The following FAM161B variants were observed in gnomAD, a reference collection of about 807,000 sequenced individuals.
FAM161B encodes FAM161 centrosomal protein B.
A neutral mutation model predicts 61.5 loss-of-function variants in FAM161B; 46 were observed. That is an observed-to-expected ratio of 0.75 (90% confidence interval 0.59 to 0.96). The LOEUF is 0.96. FAM161B is among the 40% of genes least tolerant of loss of function. FAM161B has a pLI of 0.00. For missense variants in FAM161B, 774 were observed against 800.7 expected, an observed-to-expected ratio of 0.97 and a Z score of 0.40; for synonymous variants, 284 against 302.7, an observed-to-expected ratio of 0.94 and a Z score of 0.64.
chr14:73,936,829 C>G (rs779170189), intron 7 of FAM161B, among the ~76,000 whole-genome samples: 4 of 152,146 alleles, frequency 2.6e-5, no homozygotes, highest in South Asian at 2.1e-4. Flanking sequence ...AGCTAATGCC[C>G]TGCCATTGGA....
chr14:73,923,552 T>A, the FAM161B span: 2 of 1,599,052 alleles, frequency 1.3e-6, no homozygotes, highest in Non-Finnish European at 1.7e-6. Flanking sequence ...TTTGTTTCTG[T>A]GACAATTCAT....
chr14:73,938,320 A>G (rs2055988393), intron 5 of FAM161B, among the ~76,000 whole-genome samples: 1 of 152,022 alleles, frequency 6.6e-6, no homozygotes, highest in African/African-American at 2.4e-5. Flanking sequence ...TTAGCTGGGC[A>G]TGGTGGTGTG....
rs1366010700 is a variant in FAM161B at position 73,946,344 on chromosome 14, T to C, written c.316A>G (p.Ser106Gly). 3.7e-6 allele frequency: 6 copies of C among 1,613,948 alleles called. No individual in the cohort carries two copies. Among genetic ancestry groups the C allele is most frequent in the Non-Finnish European group, 5.1e-6 (6 of 1,180,016 alleles). The change falls in exon 2 of 9, where the codon AGT (serine) becomes GGT (glycine). Residue 106 changes from serine to glycine, a missense_variant. Ser to Gly is a moderately conservative substitution (Grantham distance 56, BLOSUM62 0). Transcript: ENST00000286544. The stretch of plus-strand genomic sequence containing the variant: ...CCCCTGTCCTTGTCTTGGAAGAAAC[T>C]CTCCAGGTCCTCCTCATCTTCAGAG... ...NLSEDEEDLE[S>G]FFQDKDRGMV...
chr14:73,944,599 C>A lies in FAM161B; in HGVS notation c.661G>T (p.Val221Leu), dbSNP rs1367354730. 17 of 1,614,094 alleles carry A rather than the reference C, an allele frequency of 1.1e-5. No individual in the cohort carries two copies. The highest frequency in any genetic ancestry group is 1.4e-5 in the Non-Finnish European group (17 of 1,180,026). ...AGGGGCAGGTAGACATGTGCAGGCACAGGCTGTGCCCGGAACTGCCTGTGG... is the reference window on the plus strand; with the variant it reads ...AGGGGCAGGTAGACATGTGCAGGCAAAGGCTGTGCCCGGAACTGCCTGTGG... Reference protein sequence around the residue: ...ECHRQFRAQPVPAHVYLPLYQ... With the variant: ...ECHRQFRAQPLPAHVYLPLYQ... The change falls in exon 3 of 9, where the codon GTG (valine) becomes TTG (leucine). Residue 221 changes from valine to leucine, a missense_variant. Physicochemically the swap from Val to Leu is conservative, Grantham distance 32 (BLOSUM62 1). Coordinates refer to ENST00000286544, the MANE Select transcript of FAM161B (RefSeq NM_152445.3).
rs750761691 is a variant in FAM161B at position 73,936,066 on chromosome 14, T to C, written c.1688A>G (p.Glu563Gly). The change falls in exon 8 of 9, where the codon GAA becomes GGA. Residue 563 changes from glutamate to glycine, a missense_variant. Glu to Gly is a moderately conservative substitution (Grantham distance 98). Transcript: ENST00000286544. ...VAKDLAKKEA[E>G]QWYLDTLKQA... ...CTTCAGGGTGTCTAGATACCACTGT[T>C]CTGCTTCTTTCTTGGCTAGATCCTG... 9.3e-6 allele frequency: 15 copies of C among 1,610,670 alleles called. No individual in the cohort carries two copies. Among genetic ancestry groups the C allele is most frequent in the Non-Finnish European group, 1.3e-5 (15 of 1,178,336 alleles).
At chr14:73,947,440 G>GGC (rs1468152915) in intron 1 of FAM161B, among the ~76,000 whole-genome samples, 1 of 150,520 alleles carries the variant, frequency 6.6e-6, no homozygotes, top group African/African-American at 2.4e-5. Context: ...AGTATGGTCT[G>GGC]GCTGGAAGAG....
At chr14:73,937,534 T>C (rs766063290) in intron 7 of FAM161B, 68 bp downstream of exon 7, 1 of 1,463,604 alleles carries the variant, frequency 6.8e-7, no homozygotes, top group Admixed American at 2.1e-5. Context: ...CATATTAAAA[T>C]TGTTTTGTAA....
At position 73,944,541 on chromosome 14, in the gene FAM161B, C is replaced by G. The variant is rs778856278; in HGVS notation, c.719G>C (p.Arg240Pro). The G allele has an allele frequency of 5.9e-5, 96 of 1,613,992 alleles. No individual in the cohort carries two copies. The highest frequency in any genetic ancestry group is 7.9e-5 in the Non-Finnish European group (93 of 1,180,022). Residue 240 changes from arginine to proline, a missense_variant, in exon 3 of 9, where the codon CGA (arginine) becomes CCA (proline). Physicochemically the swap from Arg to Pro is moderately radical, Grantham distance 103. Transcript: ENST00000286544. ...YQEIMERSEA[R>P]RQAGIQKRKE... ...CCTCTTCTGGATCCCTGCCTGCCTT[C>G]GGGCCTCGCTGCGCTCCATGATCTC...
In FAM161B at chr14:73,932,415, C is replaced by G. The variant is rs148201672; in HGVS notation, c.*1841G>C. 6.9e-5 allele frequency: 31 copies of G among 451,840 alleles called. No individual in the cohort carries two copies. In the Admixed American group the frequency reaches 7.0e-4, roughly 10 times the overall value. 28.0% of individuals were successfully genotyped at this position (451,840 alleles called of 1,614,324 possible). On this transcript the variant is annotated 3_prime_UTR_variant, in exon 9 of 9. Coordinates refer to ENST00000286544, the MANE Select transcript of FAM161B (RefSeq NM_152445.3). ...TGAACCGAGGAGTCTTAGGAAACAA[C>G]AAGAACATCTTCATTTCTTAAGCCC...
At chr14:73,924,693 T>G in the FAM161B span, 1 of 450,232 alleles carries the variant, frequency 2.2e-6, no homozygotes. Flanking sequence ...CTTTTTTTTT[T>G]TGAGACAGAG....
At chr14:73,947,818 G>C (rs2056079359) in intron 1 of FAM161B, among the ~76,000 whole-genome samples, 1 of 152,158 alleles carries the variant, frequency 6.6e-6, no homozygotes, top group Non-Finnish European at 1.5e-5. Flanking sequence ...TTGAGGGTGT[G>C]ATTTTTATAG....
In FAM161B at chr14:73,942,529, A is replaced by G; in HGVS notation, c.1112T>C (p.Val371Ala). The G allele has an allele frequency of 6.2e-7, 1 of 1,614,220 alleles. No individual in the cohort carries two copies. The highest frequency in any genetic ancestry group is 8.5e-7 in the Non-Finnish European group (1 of 1,180,038). ...NFRFQPRVNP[V>A]VPDYEGLYKA... ...GTAAAGGCCCTCATAGTCAGGGACCACAGGATTCACCCGAGGCTGGAATCT... is the reference window on the plus strand; with the variant it reads ...GTAAAGGCCCTCATAGTCAGGGACCGCAGGATTCACCCGAGGCTGGAATCT... The change falls in exon 4 of 9, where the codon GTG becomes GCG. Residue 371 changes from valine to alanine, a missense_variant. By Grantham distance (64) the Val-to-Ala change is moderately conservative. Transcript: ENST00000286544.
chr14:73,947,385 CA>C (rs35497668), intron 1 of FAM161B, among the ~76,000 whole-genome samples: 60 of 97,078 alleles, frequency 6.2e-4, no homozygotes, highest in East Asian at 1.5e-3. Flanking sequence ...TGCTCCGTCT[CA>C]AAAAAAAAAA....
intron 7 of FAM161B, among the ~76,000 whole-genome samples, chr14:73,936,496 T>C (rs374872381): frequency 8.5e-5 from 13 of 152,214 alleles, no homozygotes; most frequent in East Asian, 3.9e-4. Flanking sequence ...TAAAATAAAA[T>C]AGAAAATAAG....
At chr14:73,929,103 G>A (rs975020115), downstream of FAM161B, among the ~76,000 whole-genome samples, 1 of 152,162 alleles carries the variant, frequency 6.6e-6, no homozygotes, top group African/African-American at 2.4e-5. Context: ...TTTTCCTCAT[G>A]GGTTTTTGTA....
intron 3 of FAM161B, among the ~76,000 whole-genome samples, chr14:73,943,039 T>G (rs1424054711): frequency 6.6e-6 from 1 of 152,112 alleles, no homozygotes; most frequent in Non-Finnish European, 1.5e-5. Context: ...ACTGAGCACT[T>G]TCTATGATTG....
downstream of FAM161B, among the ~76,000 whole-genome samples, chr14:73,929,435 T>G (rs1431187045): frequency 1.3e-5 from 2 of 152,224 alleles, no homozygotes; most frequent in African/African-American, 2.4e-5. Context: ...TTCACCTTTT[T>G]TGGAGATCAC....
downstream of FAM161B, among the ~76,000 whole-genome samples, chr14:73,926,922 A>G (rs758537257): frequency 2.6e-5 from 4 of 152,088 alleles, no homozygotes; most frequent in Admixed American, 2.0e-4. Context: ...CTTGCTTCCT[A>G]TTACATCTCA....
chr14:73,938,573 C>T (rs577403868), intron 5 of FAM161B, among the ~76,000 whole-genome samples: 1 of 151,868 alleles, frequency 6.6e-6, no homozygotes, highest in Non-Finnish European at 1.5e-5. Context: ...GAGATCGAGA[C>T]TATCCTGGCT....
Sources: gnomAD v4.1 joint callset for allele counts (sites outside exome capture counted in the v4.1 genomes callset) on GRCh38, gnomAD v4.1.1 for gene constraint, MANE v1.5 for transcripts, NCBI Gene and HGNC (gene_info 2026-07-23, HGNC 2026-07-21) for gene names.